TBC1D4: variants seen among roughly 807,000 people sequenced by gnomAD.
The protein encoded by TBC1D4 is TBC1 domain family member 4, also known as TBC (Tre-2, BUB2, CDC16) domain-containing protein.
In TBC1D4, 121 loss-of-function variants were observed where a neutral mutation model predicts 142.5. The observed-to-expected ratio is 0.85, with a 90% CI of 0.73 to 0.99. The LOEUF (loss-of-function observed/expected upper bound fraction) is 0.99, where lower values mean the gene tolerates loss of function less well. TBC1D4 is among the 50% of genes least tolerant of loss of function. The pLI is 0.00. For missense variants in TBC1D4, 1,475 were observed against 1,606.6 expected (o/e 0.92, Z 1.40); for synonymous variants, 630 against 628.2 (o/e 1.00, Z -0.04).
chr13:75,469,831 T>C (rs1050913332), intron 1 of TBC1D4, among the ~76,000 whole-genome samples: 11 of 152,254 alleles, frequency 7.2e-5, no homozygotes, highest in African/African-American at 2.6e-4. Flanking sequence ...GCCTCAATGA[T>C]TGAAATTGGT....
At chr13:75,389,262 C>T (rs1884341639) in intron 1 of TBC1D4, among the ~76,000 whole-genome samples, 1 of 152,212 alleles carries the variant, frequency 6.6e-6, no homozygotes. Context: ...ATTCATTCTA[C>T]AGACTGATCA....
chr13:75,343,398 T>C (rs985999789), intron 5 of TBC1D4, among the ~76,000 whole-genome samples: 5 of 152,208 alleles, frequency 3.3e-5, no homozygotes, highest in African/African-American at 1.2e-4. Flanking sequence ...AAAACTCCAC[T>C]CCACATTTCT....
Position 75,449,888 on chromosome 13 carries a change from T to C in TBC1D4, c.498+31382A>G, listed in dbSNP as rs189796220. ...GCATGAGGCATCGTGCCCAGCCAAATGTACATAGTTTTAATGTGTATTTTT... is the reference window on the plus strand; with the variant it reads ...GCATGAGGCATCGTGCCCAGCCAAACGTACATAGTTTTAATGTGTATTTTT... On this transcript the variant is annotated intron_variant, in intron 1 of 20. Transcript: ENST00000377636. Among the ~76,000 whole-genome samples the C allele has an allele frequency of 3.0e-3, 455 of 152,234 alleles. 10 individuals carry two copies. Among genetic ancestry groups the C allele is most frequent in the Admixed American group, 0.027 (411 of 15,278 alleles).
intron 1 of TBC1D4, among the ~76,000 whole-genome samples, chr13:75,432,396 C>T (rs1434020877): frequency 2.0e-5 from 3 of 152,134 alleles, no homozygotes; most frequent in Admixed American, 2.0e-4. Flanking sequence ...CACTGTGGTT[C>T]TAAGCAGACA....
At position 75,458,992 on chromosome 13, in the gene TBC1D4, C is replaced by T. The variant is rs551774062; in HGVS notation, c.498+22278G>A. On this transcript the variant is annotated intron_variant, in intron 1 of 20. Coordinates refer to ENST00000377636, the MANE Select transcript of TBC1D4 (RefSeq NM_014832.5). ...ATTCTTTTGCCTCAAGAGTCTCCCT[C>T]CTTACCTCCTCCACTACTCTCTCTT... is the stretch of plus-strand genomic sequence containing the variant. Among the ~76,000 whole-genome samples, 6 of 152,248 alleles carry T rather than the reference C, an allele frequency of 3.9e-5. No homozygotes were observed. The South Asian group carries it at 6.2e-4, about 16-fold the overall frequency.
chr13:75,289,829 TA>T (rs1254950122), intron 19 of TBC1D4, among the ~76,000 whole-genome samples: 1 of 152,102 alleles, frequency 6.6e-6, no homozygotes, highest in Non-Finnish European at 1.5e-5. Context: ...CCAAACTTCC[TA>T]GGGGGAAGGA....
At chr13:75,410,050 C>G (rs1885555704) in intron 1 of TBC1D4, among the ~76,000 whole-genome samples, 1 of 152,170 alleles carries the variant, frequency 6.6e-6, no homozygotes, top group Admixed American at 6.5e-5. Context: ...AACTCAGTTG[C>G]CTGCCTTGTA....
intron 1 of TBC1D4, among the ~76,000 whole-genome samples, chr13:75,388,820 C>T (rs1272071598): frequency 6.6e-6 from 1 of 152,194 alleles, no homozygotes; most frequent in African/African-American, 2.4e-5. Flanking sequence ...TATGACAACA[C>T]TGACCCAATT....
chr13:75,456,176 CAAAG>C (rs1887728678), intron 1 of TBC1D4, among the ~76,000 whole-genome samples: 1 of 152,042 alleles, frequency 6.6e-6, no homozygotes, highest in Admixed American at 6.6e-5. Flanking sequence ...CCAAAACAAA[CAAAG>C]AAAGCCATAA....
At chr13:75,335,769 T>A (rs1566392719) in intron 8 of TBC1D4, among the ~76,000 whole-genome samples, 1 of 152,186 alleles carries the variant, frequency 6.6e-6, no homozygotes, top group African/African-American at 2.4e-5. Flanking sequence ...TCCACCATGA[T>A]TGGAAGCTTC....
chr13:75,474,526 T>A (rs1355785868), intron 1 of TBC1D4, among the ~76,000 whole-genome samples: 1 of 151,968 alleles, frequency 6.6e-6, no homozygotes, highest in East Asian at 1.9e-4. Flanking sequence ...GCCACTGCAC[T>A]CCAGCCTGGG....
intron 1 of TBC1D4, among the ~76,000 whole-genome samples, chr13:75,478,943 T>G (rs1484803781): frequency 6.6e-6 from 1 of 152,266 alleles, no homozygotes; most frequent in Non-Finnish European, 1.5e-5. Flanking sequence ...TTGGCCCAGA[T>G]AGGATTCTTA....
chr13:75,482,045 G>T lies in TBC1D4; in HGVS notation c.-278C>A. 1 of 360,116 alleles carries T rather than the reference G, an allele frequency of 2.8e-6. No homozygotes were observed. Among genetic ancestry groups the T allele is most frequent in the Non-Finnish European group, 4.9e-6 (1 of 204,368 alleles). The allele number at this position is 360,116 out of a possible 1,614,324, so 22.3% of individuals were successfully genotyped here. A position where few individuals can be genotyped will look rare whatever the true frequency, so the allele number is the denominator to read the frequency against. ...CCTCCTCCTTGGGCTGGCGCCTCGG[G>T]CAGGACCTCCCCTTCCTCCGTCGCG... On this transcript the variant is annotated 5_prime_UTR_variant, in exon 1 of 21. Transcript: ENST00000377636.
At chr13:75,378,178 G>A (rs190884577) in intron 1 of TBC1D4, among the ~76,000 whole-genome samples, 130 of 152,122 alleles carry the variant, frequency 8.5e-4, no homozygotes, top group South Asian at 2.3e-3. Flanking sequence ...ATAAACGCAC[G>A]TCAATATATT....
At chr13:75,349,003 C>T (rs1461159500) in intron 5 of TBC1D4, among the ~76,000 whole-genome samples, 167 bp downstream of exon 5, 2 of 147,016 alleles carry the variant, frequency 1.4e-5, no homozygotes, top group East Asian at 4.0e-4. Context: ...GTGTCAAGCA[C>T]CTAGCAGAGA....
At chr13:75,287,746 GCAAC>G in intron 20 of TBC1D4, among the ~76,000 whole-genome samples, 1 of 152,182 alleles carries the variant, frequency 6.6e-6, no homozygotes, top group Non-Finnish European at 1.5e-5. Flanking sequence ...TTCTTGGGAA[GCAAC>G]TACTTTAGAG....
At chr13:75,447,195 T>C (rs1297671917) in intron 1 of TBC1D4, among the ~76,000 whole-genome samples, 1 of 152,140 alleles carries the variant, frequency 6.6e-6, no homozygotes, top group East Asian at 1.9e-4. Flanking sequence ...ATTTAGTAGA[T>C]TTGGTAAACT....
intron 1 of TBC1D4, among the ~76,000 whole-genome samples, chr13:75,430,192 G>A (rs1593876904): frequency 1.3e-5 from 2 of 152,140 alleles, no homozygotes; most frequent in Non-Finnish European, 2.9e-5. Flanking sequence ...GATATACTCT[G>A]TAACTGGAAA....
rs796479326 is a variant in TBC1D4 at position 75,315,369 on chromosome 13, TACAC to T, written c.2223-2475_2223-2472del. On this transcript the variant is annotated intron_variant, in intron 12 of 20. Coordinates refer to ENST00000377636, the MANE Select transcript of TBC1D4 (RefSeq NM_014832.5). ...AATATTGAATATATATATATATATA[TACAC>T]ACACACACACACACATATATATATA... Among the ~76,000 whole-genome samples the T allele has an allele frequency of 5.8e-5, 8 of 137,832 alleles. No individual in the cohort carries two copies. In the East Asian group the frequency reaches 8.6e-4, roughly 15 times the overall value. 90.4% of individuals were successfully genotyped at this position (137,832 alleles called of 152,430 possible). A position where few individuals can be genotyped will look rare whatever the true frequency, so the allele number is the denominator to read the frequency against.
Sources: gnomAD v4.1 joint callset for allele counts (sites outside exome capture counted in the v4.1 genomes callset) on GRCh38, gnomAD v4.1.1 for gene constraint, MANE v1.5 for transcripts, NCBI Gene and HGNC (gene_info 2026-07-23, HGNC 2026-07-21) for gene names.